Variants in UGT1A7 observed in about 807,000 individuals in gnomAD.
UGT1A7 encodes the protein UDP-glucuronosyltransferase 1A7.
A neutral mutation model predicts 45.6 loss-of-function variants in UGT1A7; 33 were observed. That is an observed-to-expected ratio of 0.72 (90% confidence interval 0.55 to 0.97). UGT1A7 has a LOEUF of 0.97. Ranked by LOEUF, UGT1A7 falls within the 50% of genes least tolerant of loss-of-function variation. The probability of loss-of-function intolerance (pLI) is 0.00; values close to 1 mark genes in which losing one functional copy is unlikely to be tolerated. For missense variants in UGT1A7, 684 were observed against 666.2 expected (o/e 1.03, Z -0.29); for synonymous variants, 274 against 250.6 (o/e 1.09, Z -0.88).
chr2:233,698,830 G>A (rs2075465152), intron 1 of UGT1A7, among the ~76,000 whole-genome samples: 1 of 152,226 alleles, frequency 6.6e-6, no homozygotes. Context: ...GAGTAAGGCA[G>A]GATCACTTCC....
chr2:233,736,629 C>G (rs558858921), intron 1 of UGT1A7, among the ~76,000 whole-genome samples: 2 of 152,326 alleles, frequency 1.3e-5, no homozygotes, highest in South Asian at 2.1e-4. Flanking sequence ...CTTTTCTGCT[C>G]TAGTTTCCCC....
Position 233,773,101 on chromosome 2 carries a change from T to A in UGT1A7, c.*542T>A, listed in dbSNP as rs1321886255. On this transcript the variant is annotated 3_prime_UTR_variant, in exon 5 of 5. Coordinates refer to ENST00000373426, the MANE Select transcript of UGT1A7 (RefSeq NM_019077.3). ...GGCTTGGAGTGCACTGAGAACAGCA[T>A]ATGATTTCTTGCTTTGGGGAAAAAG... is the stretch of plus-strand genomic sequence containing the variant. The A allele has an allele frequency of 6.4e-6, 1 of 156,412 alleles. No homozygotes were observed. The highest frequency in any genetic ancestry group is 2.4e-5 in the African/African-American group (1 of 41,460). The allele number at this position is 156,412 out of a possible 1,614,324, so 9.7% of individuals were successfully genotyped here.
intron 1 of UGT1A7, among the ~76,000 whole-genome samples, chr2:233,698,217 G>C (rs1300246844): frequency 6.6e-6 from 1 of 151,932 alleles, no homozygotes. Flanking sequence ...TAATTATTAG[G>C]AATTAAATTA....
At chr2:233,718,901 G>A (rs377204506) in intron 1 of UGT1A7, 4 of 1,613,882 alleles carry the variant, frequency 2.5e-6, no homozygotes, top group African/African-American at 1.3e-5. Flanking sequence ...CCTGGGCTGA[G>A]AGTGGAAAGG....
chr2:233,729,171 A>G, intron 1 of UGT1A7: 1 of 1,613,740 alleles, frequency 6.2e-7, no homozygotes, highest in Non-Finnish European at 8.5e-7. Context: ...TGGCCACAGG[A>G]CTGCTGCTTC....
At chr2:233,732,288 A>G (rs568891817) in intron 1 of UGT1A7, among the ~76,000 whole-genome samples, 10 of 152,250 alleles carry the variant, frequency 6.6e-5, no homozygotes, top group Non-Finnish European at 1.0e-4. Context: ...GAAGCTCTTT[A>G]GTTTAATTAG....
At chr2:233,760,733 T>G in intron 1 of UGT1A7, 1 of 1,614,214 alleles carries the variant, frequency 6.2e-7, no homozygotes, top group South Asian at 1.1e-5. Context: ...GATGTCATGC[T>G]GACGGACCCT....
At chr2:233,758,938 C>A (rs1697023841) in intron 1 of UGT1A7, among the ~76,000 whole-genome samples, 1 of 152,234 alleles carries the variant, frequency 6.6e-6, no homozygotes, top group Non-Finnish European at 1.5e-5. Flanking sequence ...GACTTCAAAT[C>A]AGTCATCAGA....
chr2:233,729,225 G>T, intron 1 of UGT1A7: 1 of 1,614,158 alleles, frequency 6.2e-7, no homozygotes, highest in South Asian at 1.1e-5. Context: ...AGGTGTTGGT[G>T]GTGCCCATTG....
chr2:233,694,994 A>G (rs1243890863), intron 1 of UGT1A7, among the ~76,000 whole-genome samples: 2 of 152,138 alleles, frequency 1.3e-5, no homozygotes, highest in South Asian at 2.1e-4. Context: ...GAACATTCCC[A>G]TTCTTCATTT....
At chr2:233,772,160 G>A in intron 4 of UGT1A7, 102 bp from the exon 5 acceptor site, 1 of 1,565,444 alleles carries the variant, frequency 6.4e-7, no homozygotes, top group Non-Finnish European at 8.7e-7. Flanking sequence ...CCTTTCCCAA[G>A]TTTGGAAAAT....
At chr2:233,744,855 G>A (rs1452590480) in intron 1 of UGT1A7, among the ~76,000 whole-genome samples, 1 of 151,856 alleles carries the variant, frequency 6.6e-6, no homozygotes, top group Non-Finnish European at 1.5e-5. Flanking sequence ...GTAGTCCTTG[G>A]TATTCTGAAG....
At position 233,769,777 on chromosome 2, in the gene UGT1A7, C is replaced by G. The variant is rs1699936976; in HGVS notation, c.1295+1338C>G. 7.3e-7 allele frequency: 1 copy of G among 1,373,454 alleles called. No homozygotes were observed. The highest frequency in any genetic ancestry group is 2.6e-5 in the East Asian group (1 of 38,744). 85.1% of individuals were successfully genotyped at this position (1,373,454 alleles called of 1,614,324 possible). ...GGCTAAGGCGGGAGGATTGCTTGAG[C>G]CCAGAAGTTGGAGGCTGCTATGAGC... On this transcript the variant is annotated intron_variant, in intron 4 of 4. Coordinates refer to ENST00000373426, the MANE Select transcript of UGT1A7 (RefSeq NM_019077.3). The surrounding 1 kb of genome is among the most constrained non-coding windows in gnomAD (Gnocchi z 4.4).
At chr2:233,704,702 C>A (rs1232515090) in intron 1 of UGT1A7, among the ~76,000 whole-genome samples, 1 of 152,078 alleles carries the variant, frequency 6.6e-6, no homozygotes, top group African/African-American at 2.4e-5. Context: ...GGTATCATTT[C>A]TTAGCCCAAT....
intron 1 of UGT1A7, among the ~76,000 whole-genome samples, chr2:233,720,641 G>C (rs1280167515): frequency 6.6e-6 from 1 of 151,852 alleles, no homozygotes; most frequent in Non-Finnish European, 1.5e-5. Context: ...AGTACTCTGG[G>C]ATGTGAAAAA....
At chr2:233,713,459 C>G (rs765192801) in intron 1 of UGT1A7, 52 of 1,614,154 alleles carry the variant, frequency 3.2e-5, no homozygotes, top group Non-Finnish European at 4.3e-5. Flanking sequence ...CCTTTCACCT[C>G]TGCGCGGCGG....
intron 1 of UGT1A7, among the ~76,000 whole-genome samples, chr2:233,725,558 CAT>C (rs771607724): frequency 6.6e-6 from 1 of 152,212 alleles, no homozygotes; most frequent in Middle Eastern, 3.4e-3. Context: ...ATCCTTTCAA[CAT>C]ATATTCGATA....
rs565921734 is a variant in UGT1A7 at position 233,700,988 on chromosome 2, C to T, written c.855+18196C>T. ...TGCGGTGTTTGATTTTTTGTCCTTG[C>T]GATAGTTTGCTGAGAATGATGGTTT... On this transcript the variant is annotated intron_variant, in intron 1 of 4. Transcript: ENST00000373426. Among the ~76,000 whole-genome samples, 641 of 151,872 alleles carry T rather than the reference C, an allele frequency of 4.2e-3. 4 individuals carry two copies. The highest frequency in any genetic ancestry group is 7.5e-3 in the Non-Finnish European group (513 of 67,974).
chr2:233,768,295 C>A lies in UGT1A7; in HGVS notation c.1151C>A (p.Pro384His). 1.9e-6 allele frequency: 3 copies of A among 1,614,158 alleles called. No individual in the cohort carries two copies. Among genetic ancestry groups the A allele is most frequent in the South Asian group, 2.2e-5 (2 of 91,082 alleles). ...GVYESICNGV[P>H]MVMMPLFGDQ... The stretch of plus-strand genomic sequence containing the variant: ...TATGAAAGCATATGCAATGGCGTTC[C>A]CATGGTGATGATGCCCTTGTTTGGT... Residue 384 changes from proline (P) to histidine (H), a missense_variant, in exon 4 of 5, where the codon CCC (proline) becomes CAC (histidine). Coordinates refer to ENST00000373426, the MANE Select transcript of UGT1A7 (RefSeq NM_019077.3).
Sources: gnomAD v4.1 joint callset for allele counts (sites outside exome capture counted in the v4.1 genomes callset) on GRCh38, gnomAD v4.1.1 for gene constraint, Gnocchi (gnomAD v3.1) non-coding constraint, MANE v1.5 for transcripts, NCBI Gene and HGNC (gene_info 2026-07-23, HGNC 2026-07-21) for gene names.